ARHGAP26: variants seen among roughly 807,000 people sequenced by gnomAD.
ARHGAP26 encodes the protein rho GTPase-activating protein 26.
Under a neutral mutation model 104.8 loss-of-function variants are expected in ARHGAP26, and 38 were observed. The ratio of observed to expected loss-of-function variants is 0.36; its 90% confidence interval spans 0.28 to 0.48. The LOEUF is 0.48. Ranked by LOEUF, ARHGAP26 falls within the 20% of genes least tolerant of loss-of-function variation. The pLI, the probability that ARHGAP26 is intolerant of heterozygous loss-of-function variation, is 0.99. For missense variants in ARHGAP26, 704 were observed against 947.9 expected, an observed-to-expected ratio of 0.74 and a Z score of 3.38; for synonymous variants, 341 against 340.0, an observed-to-expected ratio of 1.00 and a Z score of -0.03.
rs1799294121 is a variant in ARHGAP26, at chr5:143,147,362, C to T, written c.1969C>T (p.Pro657Ser). ...SSDPDLAVVK[P>S]TRPNSLPPNP... ...TGACCCAGACCTGGCTGTGGTCAAA[C>T]CCACCCGGCCCAACTCACTGTAAGT... Residue 657 changes from proline to serine, a missense_variant, in exon 20 of 23, where the codon CCC (proline) becomes TCC (serine). Pro to Ser is a moderately conservative substitution (Grantham distance 74). Around this residue, in one of 6 missense-constraint regions of ARHGAP26, gnomAD observed 217 missense variants for 242.6 expected, o/e 0.89. Transcript: ENST00000645722. The T allele has an allele frequency of 6.2e-7, 1 of 1,613,676 alleles. No individual in the cohort carries two copies. Among genetic ancestry groups the T allele is most frequent in the Non-Finnish European group, 8.5e-7 (1 of 1,179,770 alleles).
intron 19 of ARHGAP26, among the ~76,000 whole-genome samples, chr5:143,137,354 T>C (rs1438226438): frequency 6.6e-6 from 1 of 152,220 alleles, no homozygotes; most frequent in Non-Finnish European, 1.5e-5. Context: ...TAGAATTGGG[T>C]TCAGATATTG....
In ARHGAP26 at chr5:143,193,240, C is replaced by CTTT. The variant is rs57462040; in HGVS notation, c.1989-13935_1989-13933dup. ...GGTATTACAGTGCTTATTTTCTTTT[C>CTTT]TTTTTTTTTTTTTTTTTTTTTTTTT... On this transcript the variant is annotated intron_variant, in intron 20 of 22. Coordinates refer to ENST00000645722, the MANE Select transcript of ARHGAP26 (RefSeq NM_001135608.3). Among the ~76,000 whole-genome samples the CTTT allele has an allele frequency of 8.9e-3, 666 of 74,582 alleles. 32 individuals are homozygous for CTTT. The highest frequency in any genetic ancestry group is 0.027 in the African/African-American group (453 of 16,920). 48.9% of individuals were successfully genotyped at this position (74,582 alleles called of 152,430 possible). A position where few individuals can be genotyped will look rare whatever the true frequency, so the allele number is the denominator to read the frequency against.
At chr5:143,201,660 G>A (rs534917958) in intron 20 of ARHGAP26, among the ~76,000 whole-genome samples, 16 of 152,284 alleles carry the variant, frequency 1.1e-4, no homozygotes, top group African/African-American at 1.9e-4. Context: ...ATCCCTGTGC[G>A]TCTTATATCT....
chr5:142,775,898 A>T (rs894206686), intron 1 of ARHGAP26, among the ~76,000 whole-genome samples: 25 of 152,354 alleles, frequency 1.6e-4, no homozygotes, highest in African/African-American at 6.0e-4. Flanking sequence ...TTTTAAAGTC[A>T]TAAAAATGTA....
chr5:143,033,989 C>T (rs1782261018), intron 12 of ARHGAP26, among the ~76,000 whole-genome samples: 1 of 152,196 alleles, frequency 6.6e-6, no homozygotes, highest in South Asian at 2.1e-4. Flanking sequence ...ATCCTCCCTG[C>T]ACATGAAAAG....
intron 12 of ARHGAP26, among the ~76,000 whole-genome samples, chr5:143,036,007 T>C (rs1247820714): frequency 6.6e-6 from 1 of 150,824 alleles, no homozygotes; most frequent in Admixed American, 6.6e-5. Context: ...CAATAACCTA[T>C]GGAAATAAAA....
At position 143,102,175 on chromosome 5, in the gene ARHGAP26, G is replaced by A. The variant is rs73799913; in HGVS notation, c.1539-18813G>A. 8.1e-3 allele frequency among the ~76,000 whole-genome samples: 1,236 copies of A among 152,200 alleles called. 17 individuals are homozygous for A. The highest frequency in any genetic ancestry group is 0.028 in the African/African-American group (1,172 of 41,514). The stretch of plus-strand genomic sequence containing the variant: ...CCTCTCTACATCTCACAGAGAACCC[G>A]TACAGTGCGCGCCTGGCTGGGGAGA... On this transcript the variant is annotated intron_variant, in intron 17 of 22. Transcript: ENST00000645722.
At position 142,844,256 on chromosome 5, in the gene ARHGAP26, G is replaced by A. The variant is rs573886024; in HGVS notation, c.155-29144G>A. On this transcript the variant is annotated intron_variant, in intron 1 of 22. Transcript: ENST00000645722. ...AGTAGAGATGGGGTTTCGCCATATC[G>A]ACCAGGCTGGTCTCAAACTCCTGAC... is the stretch of plus-strand genomic sequence containing the variant. 3.3e-5 allele frequency among the ~76,000 whole-genome samples: 5 copies of A among 151,756 alleles called. No homozygotes were observed. In the East Asian group the frequency reaches 5.9e-4, roughly 18 times the overall value.
intron 11 of ARHGAP26, among the ~76,000 whole-genome samples, chr5:142,993,842 CTTTT>C (rs1554188628): frequency 1.0e-5 from 1 of 99,420 alleles, no homozygotes; most frequent in Non-Finnish European, 2.2e-5. Flanking sequence ...CTTTTCTTTT[CTTTT>C]TTTAAGTAGA....
At chr5:143,040,453 A>G (rs1046825487) in intron 13 of ARHGAP26, among the ~76,000 whole-genome samples, 1 of 152,166 alleles carries the variant, frequency 6.6e-6, no homozygotes, top group Non-Finnish European at 1.5e-5. Flanking sequence ...ATGGAGTATA[A>G]TCTCGTGTTT....
intron 11 of ARHGAP26, among the ~76,000 whole-genome samples, chr5:142,940,342 C>T (rs1002843290): frequency 6.6e-6 from 1 of 151,964 alleles, no homozygotes; most frequent in African/African-American, 2.4e-5. Flanking sequence ...CTTTTAGGTT[C>T]AGGGGTACAT....
chr5:142,855,998 A>G (rs1367227306), intron 1 of ARHGAP26, among the ~76,000 whole-genome samples: 1 of 152,244 alleles, frequency 6.6e-6, no homozygotes, highest in African/African-American at 2.4e-5. Flanking sequence ...GTGAGAAGTC[A>G]CACAGCAGAC....
At chr5:143,050,336 GTTC>G (rs765453484) in intron 14 of ARHGAP26, among the ~76,000 whole-genome samples, 115 of 150,568 alleles carry the variant, frequency 7.6e-4, no homozygotes, top group South Asian at 2.7e-3. Context: ...AACCTTTTTT[GTTC>G]TTCTTCTTCT....
intron 14 of ARHGAP26, among the ~76,000 whole-genome samples, chr5:143,049,939 A>AC (rs1172772706): frequency 1.3e-5 from 2 of 151,438 alleles, no homozygotes; most frequent in East Asian, 1.9e-4. Context: ...ATATAAGAGG[A>AC]CCCCCCTCCA....
chr5:143,125,534 G>C (rs1186978970), intron 18 of ARHGAP26, among the ~76,000 whole-genome samples: 1 of 152,160 alleles, frequency 6.6e-6, no homozygotes, highest in Non-Finnish European at 1.5e-5. Context: ...GGACCTGGGA[G>C]GGAAGCAGTG....
intron 20 of ARHGAP26, among the ~76,000 whole-genome samples, chr5:143,184,175 AC>A (rs1284697629): frequency 6.6e-6 from 1 of 152,200 alleles, no homozygotes. Context: ...CAATACAGAG[AC>A]AACATTGATC....
chr5:142,770,768 C>T lies in ARHGAP26; in HGVS notation c.7C>T (p.Leu3Phe), dbSNP rs766855284. 2 of 1,515,774 alleles carry T rather than the reference C, an allele frequency of 1.3e-6. No individual in the cohort carries two copies. Among genetic ancestry groups the T allele is most frequent in the South Asian group, 1.2e-5 (1 of 80,762 alleles). 93.9% of individuals were successfully genotyped at this position (1,515,774 alleles called of 1,614,324 possible). ...GCTGGGCGCCGCGCGCACCATGGGG[C>T]TCCCAGCGCTCGAGTTCAGCGACTG... MGLPALEFSDCCL... is the reference protein window; with the variant it reads MGFPALEFSDCCL... Residue 3 changes from leucine (L) to phenylalanine (F), a missense_variant, in exon 1 of 23, where the codon CTC becomes TTC. By Grantham distance (22) the Leu-to-Phe change is conservative. Around this residue, in one of 6 missense-constraint regions of ARHGAP26, gnomAD observed 77 missense variants for 82.6 expected, o/e 0.93. Coordinates refer to ENST00000645722, the MANE Select transcript of ARHGAP26 (RefSeq NM_001135608.3).
intron 10 of ARHGAP26, among the ~76,000 whole-genome samples, chr5:142,916,304 G>T (rs906565435): frequency 2.0e-5 from 3 of 152,064 alleles, no homozygotes; most frequent in Non-Finnish European, 4.4e-5. Context: ...ATGTTATTTT[G>T]TAACAAAAGC....
At position 143,227,386 on chromosome 5, in the gene ARHGAP26, T is replaced by G. The variant is rs940738318; in HGVS notation, c.*4940T>G. The G allele has an allele frequency of 4.3e-6, 1 of 231,312 alleles. No individual in the cohort carries two copies. Among genetic ancestry groups the G allele is most frequent in the Non-Finnish European group, 8.6e-6 (1 of 116,912 alleles). The allele number at this position is 231,312 out of a possible 1,614,324, so 14.3% of individuals were successfully genotyped here. A position where few individuals can be genotyped will look rare whatever the true frequency, so the allele number is the denominator to read the frequency against. On this transcript the variant is annotated 3_prime_UTR_variant, in exon 23 of 23. Transcript: ENST00000645722. ...TCGACAACCCTGCCCCACATCACTT[T>G]ATAAAGTCAGCAGGATGTCTTCTCA...
Sources: gnomAD v4.1 joint callset for allele counts (sites outside exome capture counted in the v4.1 genomes callset) on GRCh38, gnomAD v4.1.1 for gene constraint, gnomAD v4.1.1 regional missense constraint, MANE v1.5 for transcripts, NCBI Gene and HGNC (gene_info 2026-07-23, HGNC 2026-07-21) for gene names.